Variants in SLC25A21 observed in about 807,000 individuals in gnomAD.
SLC25A21 encodes the protein mitochondrial 2-oxodicarboxylate carrier.
In SLC25A21, 47 loss-of-function variants were observed where a neutral mutation model predicts 43.8. The ratio of observed to expected loss-of-function variants is 1.07; its 90% confidence interval spans 0.85 to 1.37. SLC25A21 has a LOEUF of 1.37. Among genes scored for constraint, SLC25A21 ranks in the 40% most tolerant of loss-of-function variants. SLC25A21 has a pLI of 0.00. For missense variants in SLC25A21, 352 were observed against 350.2 expected (o/e 1.00, Z -0.04); for synonymous variants, 131 against 121.3 (o/e 1.08, Z -0.52).
intron 1 of SLC25A21, among the ~76,000 whole-genome samples, chr14:37,054,733 C>T (rs962127010): frequency 2.0e-5 from 3 of 152,112 alleles, no homozygotes; most frequent in African/African-American, 7.2e-5. Flanking sequence ...AGAATTGTTC[C>T]ATTTTTTAAC....
At chr14:37,019,627 C>T (rs1336662176) in intron 1 of SLC25A21, among the ~76,000 whole-genome samples, 1 of 147,708 alleles carries the variant, frequency 6.8e-6, no homozygotes, top group Non-Finnish European at 1.5e-5. Flanking sequence ...TGAGGAAGGT[C>T]ATTCCAGGTC....
At chr14:37,136,220 A>T (rs1431755964) in intron 1 of SLC25A21, among the ~76,000 whole-genome samples, 1 of 152,236 alleles carries the variant, frequency 6.6e-6, no homozygotes, top group Admixed American at 6.5e-5. Context: ...TGTCTTTAAA[A>T]TGAATTGTTC....
At chr14:37,121,316 T>C (rs947702007) in intron 1 of SLC25A21, among the ~76,000 whole-genome samples, 3 of 152,144 alleles carry the variant, frequency 2.0e-5, no homozygotes, top group African/African-American at 7.2e-5. Context: ...CTGAGATAAA[T>C]TGTGTGAACA....
intron 1 of SLC25A21, among the ~76,000 whole-genome samples, chr14:36,957,855 T>C (rs1254292432): frequency 6.6e-6 from 1 of 152,222 alleles, no homozygotes; most frequent in South Asian, 2.1e-4. Context: ...CGCAACTTGT[T>C]CTTATAATGA....
chr14:36,877,225 G>A (rs939261626), intron 1 of SLC25A21, among the ~76,000 whole-genome samples: 1 of 152,100 alleles, frequency 6.6e-6, no homozygotes, highest in Non-Finnish European at 1.5e-5. Context: ...AATAGCGCTA[G>A]TTGGTACATT....
chr14:36,934,384 T>C (rs1346786270), intron 1 of SLC25A21, among the ~76,000 whole-genome samples: 1 of 151,900 alleles, frequency 6.6e-6, no homozygotes, highest in Non-Finnish European at 1.5e-5. Flanking sequence ...TAACACAACT[T>C]TCTAAGCAAC....
chr14:36,686,311 G>A (rs1292142003), intron 7 of SLC25A21, among the ~76,000 whole-genome samples: 3 of 152,214 alleles, frequency 2.0e-5, no homozygotes. Context: ...TGCAGTGATT[G>A]CAGTATGAGT....
At position 36,678,601 on chromosome 14, in the gene SLC25A21, T is replaced by A. The variant is rs1371631693; in HGVS notation, c.*2057A>T. 6.6e-7 allele frequency: 1 copy of A among 1,504,740 alleles called. No individual in the cohort carries two copies. Among genetic ancestry groups the A allele is most frequent in the African/African-American group, 1.4e-5 (1 of 71,872 alleles). 93.2% of individuals were successfully genotyped at this position (1,504,740 alleles called of 1,614,324 possible). ...TCTCCTGTCATCTGAAAAACTGATG[T>A]AAGGTACAGAACTATTCTTTATCAA... On this transcript the variant is annotated 3_prime_UTR_variant, in exon 10 of 10. Coordinates refer to ENST00000331299, the MANE Select transcript of SLC25A21 (RefSeq NM_030631.4).
chr14:37,074,784 T>C (rs892800372), intron 1 of SLC25A21, among the ~76,000 whole-genome samples: 2 of 152,072 alleles, frequency 1.3e-5, no homozygotes, highest in Non-Finnish European at 2.9e-5. Flanking sequence ...ATCGCGCCAC[T>C]GCACTCCAGC....
chr14:37,092,898 G>A (rs1050030021), intron 1 of SLC25A21, among the ~76,000 whole-genome samples: 4 of 150,970 alleles, frequency 2.6e-5, no homozygotes, highest in African/African-American at 7.3e-5. Context: ...TTTCCTGCCT[G>A]CTCCATGACA....
intron 3 of SLC25A21, among the ~76,000 whole-genome samples, chr14:36,758,550 A>G (rs576322024): frequency 1.2e-4 from 18 of 151,606 alleles, no homozygotes; most frequent in African/African-American, 4.4e-4. Flanking sequence ...CTGCTCAAGC[A>G]GAAAGATGAG....
rs546382618 is a variant in SLC25A21, at chr14:36,678,189, G to A, written c.*2469C>T. On this transcript the variant is annotated 3_prime_UTR_variant, in exon 10 of 10. Transcript: ENST00000331299. ...AATGCGGTTCCACCACATCGGTTTC[G>A]TGGCTTCGTTTAAAACTCAGATGGC... is the stretch of plus-strand genomic sequence containing the variant. 1.1e-5 allele frequency: 5 copies of A among 451,046 alleles called. No homozygotes were observed. Among genetic ancestry groups the A allele is most frequent in the East Asian group, 7.2e-5 (2 of 27,790 alleles). 27.9% of individuals were successfully genotyped at this position (451,046 alleles called of 1,614,324 possible).
chr14:37,058,600 T>C (rs1253253126), intron 1 of SLC25A21, among the ~76,000 whole-genome samples: 2 of 152,226 alleles, frequency 1.3e-5, no homozygotes, highest in African/African-American at 4.8e-5. Context: ...GGCACATAGA[T>C]TCTATTCTGC....
At chr14:36,779,621 T>C (rs1321396706) in intron 3 of SLC25A21, among the ~76,000 whole-genome samples, 1 of 120,670 alleles carries the variant, frequency 8.3e-6, no homozygotes, top group African/African-American at 3.3e-5. Context: ...TATATATATA[T>C]ATATATATAT....
intron 1 of SLC25A21, among the ~76,000 whole-genome samples, chr14:36,957,133 A>G (rs569239994): frequency 6.6e-6 from 1 of 152,322 alleles, no homozygotes; most frequent in South Asian, 2.1e-4. Flanking sequence ...CCACCTCATT[A>G]CTTTAGAGAC....
At chr14:36,866,612 A>G (rs145544831) in intron 2 of SLC25A21, among the ~76,000 whole-genome samples, 2 of 152,242 alleles carry the variant, frequency 1.3e-5, no homozygotes, top group Admixed American at 6.5e-5. Flanking sequence ...GCAACCATCA[A>G]CTCATTCCAA....
chr14:37,013,646 T>A (rs1418929438), intron 1 of SLC25A21, among the ~76,000 whole-genome samples: 1 of 152,298 alleles, frequency 6.6e-6, no homozygotes, highest in East Asian at 1.9e-4. Flanking sequence ...AACTGGTGAT[T>A]TTTTTGTAAA....
At chr14:36,982,770 C>T (rs1162043962) in intron 1 of SLC25A21, among the ~76,000 whole-genome samples, 2 of 151,922 alleles carry the variant, frequency 1.3e-5, no homozygotes, top group Admixed American at 6.6e-5. Context: ...GCCAAAACGG[C>T]GACACTGCAC....
intron 1 of SLC25A21, among the ~76,000 whole-genome samples, chr14:37,052,706 T>G (rs1375431348): frequency 6.6e-6 from 1 of 152,012 alleles, no homozygotes; most frequent in East Asian, 1.9e-4. Flanking sequence ...TAGCGCAATC[T>G]GAGCTCACTG....
Sources: allele counts gnomAD v4.1 joint callset (sites outside exome capture counted in the v4.1 genomes callset), GRCh38; gene constraint gnomAD v4.1.1; transcripts MANE v1.5; gene names NCBI Gene and HGNC (gene_info 2026-07-23, HGNC 2026-07-21).